The following DLG2 variants were observed in gnomAD, a reference collection of about 807,000 sequenced individuals.
The protein encoded by DLG2 is discs large MAGUK scaffold protein 2.
DLG2 carries 45 observed loss-of-function variants against 132.5 expected under a neutral mutation model. The ratio of observed to expected loss-of-function variants is 0.34; its 90% confidence interval spans 0.27 to 0.44. The LOEUF is 0.44. Among genes scored for constraint, DLG2 ranks in the 20% least tolerant of loss-of-function variants. The pLI, the probability that DLG2 is intolerant of heterozygous loss-of-function variation, is 1.00. For missense variants in DLG2, 1,045 were observed against 1,196.9 expected (o/e 0.87, Z 1.87); for synonymous variants, 424 against 419.6 (o/e 1.01, Z -0.13).
rs553308092 is a variant in DLG2, at chr11:84,862,828, G to C, written c.357+248833C>G. ...ACACCAGGTCCTGTCGGGGGGGGGG[G>C]GTGGGGGACTAGGGGAGGAATAGCA... On this transcript the variant is annotated intron_variant, in intron 6 of 27. Transcript: ENST00000376104. Among the ~76,000 whole-genome samples, 223 of 130,098 alleles carry C rather than the reference G, an allele frequency of 1.7e-3. 3 individuals carry two copies. Among genetic ancestry groups the C allele is most frequent in the African/African-American group, 6.1e-3 (219 of 35,924 alleles). 85.3% of individuals were successfully genotyped at this position (130,098 alleles called of 152,430 possible).
intron 11 of DLG2, among the ~76,000 whole-genome samples, chr11:84,017,238 T>G (rs1201508878): frequency 6.6e-6 from 1 of 152,102 alleles, no homozygotes. Context: ...TTTCAAATAT[T>G]ACTCTATTTG....
chr11:84,947,906 T>G (rs947002822), intron 6 of DLG2, among the ~76,000 whole-genome samples: 3 of 152,084 alleles, frequency 2.0e-5, no homozygotes, highest in African/African-American at 7.2e-5. Context: ...ACAATGGGAG[T>G]AACAGGCAAA....
intron 6 of DLG2, among the ~76,000 whole-genome samples, chr11:84,850,571 T>C (rs1342497311): frequency 1.3e-5 from 2 of 152,072 alleles, no homozygotes; most frequent in Non-Finnish European, 1.5e-5. Flanking sequence ...GTCAAGAATA[T>C]AAAATAAAAA....
intron 11 of DLG2, among the ~76,000 whole-genome samples, chr11:83,996,888 A>G (rs1334604092): frequency 6.6e-6 from 1 of 152,116 alleles, no homozygotes; most frequent in Non-Finnish European, 1.5e-5. Context: ...AAATAGAAAG[A>G]ATGAATAAGA....
intron 6 of DLG2, among the ~76,000 whole-genome samples, chr11:84,876,059 G>A (rs543852190): frequency 9.9e-5 from 15 of 152,026 alleles, no homozygotes; most frequent in East Asian, 5.8e-4. Context: ...TTTCACTTGC[G>A]TTATTATTAC....
At chr11:84,281,346 T>C (rs1451572720) in intron 7 of DLG2, among the ~76,000 whole-genome samples, 2 of 151,966 alleles carry the variant, frequency 1.3e-5, no homozygotes, top group African/African-American at 2.4e-5. Flanking sequence ...GTTAAGAAAA[T>C]AGAGAAGCCA....
chr11:83,617,726 G>A (rs1333880929), intron 19 of DLG2, among the ~76,000 whole-genome samples: 2 of 152,098 alleles, frequency 1.3e-5, no homozygotes, highest in Non-Finnish European at 2.9e-5. Context: ...TAAGTATGGT[G>A]TTTAGGCTGG....
intron 6 of DLG2, among the ~76,000 whole-genome samples, chr11:84,553,302 T>G (rs977913789): frequency 3.3e-5 from 5 of 152,198 alleles, no homozygotes; most frequent in African/African-American, 1.2e-4. Context: ...TGATGCACTG[T>G]AATAGACCCT....
chr11:83,656,387 A>G (rs1325969841), intron 18 of DLG2, among the ~76,000 whole-genome samples: 6 of 152,084 alleles, frequency 3.9e-5, no homozygotes, highest in African/African-American at 1.4e-4. Context: ...TCCTGGTCAG[A>G]TTTCTCTCCA....
chr11:85,353,085 C>T (rs11234334), intron 3 of DLG2, among the ~76,000 whole-genome samples: 17 of 152,044 alleles, frequency 1.1e-4, no homozygotes, highest in South Asian at 4.2e-4. Flanking sequence ...TGCAATCTAC[C>T]CATCTGACAA....
chr11:83,863,892 G>C (rs2061848021), intron 16 of DLG2, among the ~76,000 whole-genome samples: 2 of 152,124 alleles, frequency 1.3e-5, no homozygotes, highest in Non-Finnish European at 2.9e-5. Flanking sequence ...TGCAGTGAAA[G>C]CACTGTAAGA....
chr11:83,892,053 T>C (rs987910343), intron 15 of DLG2, among the ~76,000 whole-genome samples: 8 of 152,194 alleles, frequency 5.3e-5, no homozygotes, highest in African/African-American at 1.7e-4. Context: ...AGGCCAATTG[T>C]TCAGTTCCCT....
At chr11:84,125,857 T>C (rs1157374006) in intron 9 of DLG2, among the ~76,000 whole-genome samples, 1 of 152,250 alleles carries the variant, frequency 6.6e-6, no homozygotes, top group Admixed American at 6.5e-5. Flanking sequence ...TCTAGTGTGA[T>C]TGTTAAATAG....
intron 4 of DLG2, among the ~76,000 whole-genome samples, chr11:85,158,521 A>G (rs926042756): frequency 3.3e-5 from 5 of 152,160 alleles, no homozygotes; most frequent in African/African-American, 1.2e-4. Context: ...TTCTTGACCA[A>G]TGCCTTACAA....
chr11:83,747,633 T>C (rs1477249842), intron 18 of DLG2, among the ~76,000 whole-genome samples: 1 of 152,124 alleles, frequency 6.6e-6, no homozygotes, highest in Non-Finnish European at 1.5e-5. Context: ...TATCCACACA[T>C]CTTGGCCTTC....
chr11:83,986,126 G>C (rs7930271), intron 11 of DLG2, among the ~76,000 whole-genome samples: 108 of 151,634 alleles, frequency 7.1e-4, no homozygotes, highest in African/African-American at 2.4e-3. Context: ...AGTTACATAT[G>C]TATACATGTG....
intron 4 of DLG2, among the ~76,000 whole-genome samples, chr11:85,159,264 T>A (rs1426654669): frequency 6.6e-6 from 1 of 152,146 alleles, no homozygotes; most frequent in Non-Finnish European, 1.5e-5. Flanking sequence ...TGACTTACAG[T>A]GTATCCGGAC....
At chr11:84,791,374 A>G (rs937125330) in intron 6 of DLG2, among the ~76,000 whole-genome samples, 13 of 152,282 alleles carry the variant, frequency 8.5e-5, no homozygotes, top group African/African-American at 2.9e-4. Flanking sequence ...AAGTCAGGTA[A>G]TGTGATTCCT....
intron 9 of DLG2, among the ~76,000 whole-genome samples, chr11:84,161,214 A>G (rs2095539447): frequency 6.6e-6 from 1 of 151,906 alleles, no homozygotes; most frequent in Non-Finnish European, 1.5e-5. Context: ...TAGAGAAGAG[A>G]AAAAAAAGTG....
Sources: allele counts gnomAD v4.1 joint callset (sites outside exome capture counted in the v4.1 genomes callset), GRCh38; gene constraint gnomAD v4.1.1; transcripts MANE v1.5; gene names NCBI Gene and HGNC (gene_info 2026-07-23, HGNC 2026-07-21).